IL12RB2: variants seen among roughly 807,000 people sequenced by gnomAD.
IL12RB2 encodes interleukin-12 receptor subunit beta-2.
IL12RB2 carries 82 observed loss-of-function variants against 89.4 expected under a neutral mutation model. The observed-to-expected ratio is 0.92, with a 90% CI of 0.77 to 1.10. The LOEUF (loss-of-function observed/expected upper bound fraction) is 1.10. IL12RB2 is among the 50% of genes least tolerant of loss of function. IL12RB2 has a pLI of 0.00. For synonymous variants in IL12RB2, 368 were observed against 370.1 expected (o/e 0.99, Z 0.07); for missense variants, 963 against 1,031.9 (o/e 0.93, Z 0.92).
At position 67,372,780 on chromosome 1, in the gene IL12RB2, T is replaced by C. The variant is rs1361549731; in HGVS notation, c.1714T>C (p.Cys572Arg). Residue 572 changes from cysteine (C) to arginine (R), a missense_variant, in exon 13 of 17, where the codon TGT (cysteine) becomes CGT (arginine). Physicochemically the swap from Cys to Arg is radical, Grantham distance 180. Transcript: ENST00000674203. The stretch of plus-strand genomic sequence containing the variant: ...GGACTCCAACTCCCAGCCTCAGCTC[T>C]GTGGTATGTGTGAGAACCAAATGCA... Reference protein sequence around the residue: ...ERDSNSQPQLCEIPYRVSQNS... With the variant: ...ERDSNSQPQLREIPYRVSQNS... 2.5e-6 allele frequency: 4 copies of C among 1,601,584 alleles called. No individual in the cohort carries two copies. The highest frequency in any genetic ancestry group is 3.4e-6 in the Non-Finnish European group (4 of 1,168,768).
chr1:67,346,577 G>A (rs572541395), intron 9 of IL12RB2, among the ~76,000 whole-genome samples: 1 of 152,054 alleles, frequency 6.6e-6, no homozygotes, highest in South Asian at 2.1e-4. Flanking sequence ...AGTAGAAAGT[G>A]GTTTCACCAT....
In IL12RB2 at chr1:67,350,820, T is replaced by C. The variant is rs753540622; in HGVS notation, c.1039-50T>C. ...ACCCATGAGGTCCAGGCACAGAGCA[T>C]CAGTGATCTTGTCTGGGAGTAAATA... On this transcript the variant is annotated intron_variant, in intron 9 of 16. Transcript: ENST00000674203. The C allele has an allele frequency of 1.4e-5, 22 of 1,606,974 alleles. 2 individuals are homozygous for C. The South Asian group carries it at 2.5e-4, about 18-fold the overall frequency.
chr1:67,393,542 G>A (rs947995942), intron 16 of IL12RB2, among the ~76,000 whole-genome samples: 11 of 152,196 alleles, frequency 7.2e-5, no homozygotes, highest in Non-Finnish European at 1.3e-4. Flanking sequence ...GCTGTGTTCC[G>A]AGCCAGACCC....
At chr1:67,344,472 TA>T (rs1327646591) in intron 9 of IL12RB2, among the ~76,000 whole-genome samples, 1 of 152,008 alleles carries the variant, frequency 6.6e-6, no homozygotes, top group Non-Finnish European at 1.5e-5. Context: ...TTTGTATTTT[TA>T]GTAGAGACAA....
At chr1:67,311,337 A>G (rs964618780) in intron 1 of IL12RB2, among the ~76,000 whole-genome samples, 1 of 152,164 alleles carries the variant, frequency 6.6e-6, no homozygotes, top group African/African-American at 2.4e-5. Context: ...AACCGATAGA[A>G]GAGGGAAAGC....
intron 8 of IL12RB2, among the ~76,000 whole-genome samples, chr1:67,336,736 G>A (rs531803101): frequency 6.6e-6 from 1 of 152,376 alleles, no homozygotes; most frequent in Non-Finnish European, 1.5e-5. Context: ...CTTTCTCAGA[G>A]CCAGGCACCT....
At chr1:67,350,308 G>A (rs17838052) in intron 9 of IL12RB2, among the ~76,000 whole-genome samples, 8 of 152,364 alleles carry the variant, frequency 5.3e-5, no homozygotes, top group Admixed American at 2.0e-4. Context: ...TTAGTTACAC[G>A]TTTATGAACA....
intron 3 of IL12RB2, among the ~76,000 whole-genome samples, chr1:67,321,360 C>T (rs1021151724): frequency 7.9e-5 from 12 of 152,022 alleles, no homozygotes; most frequent in African/African-American, 2.9e-4. Flanking sequence ...GGTTATAGTT[C>T]TGATTATAGT....
intron 14 of IL12RB2, among the ~76,000 whole-genome samples, chr1:67,381,467 T>G (rs1329098327): frequency 6.6e-6 from 1 of 152,142 alleles, no homozygotes; most frequent in Non-Finnish European, 1.5e-5. Flanking sequence ...AGCACTCCCA[T>G]GAAAGTTAAC....
chr1:67,310,278 G>A (rs1353384894), intron 1 of IL12RB2, among the ~76,000 whole-genome samples: 1 of 149,922 alleles, frequency 6.7e-6, no homozygotes, highest in Admixed American at 6.6e-5. Flanking sequence ...CTTCGCTAGT[G>A]TAACAGTGGT....
intron 8 of IL12RB2, among the ~76,000 whole-genome samples, chr1:67,338,311 G>A (rs12410480): frequency 1.5e-5 from 2 of 129,266 alleles, no homozygotes; most frequent in South Asian, 2.5e-4. Flanking sequence ...CATTCCAGCC[G>A]AGGCAACAGA....
chr1:67,363,735 T>C (rs1042196297), intron 10 of IL12RB2, among the ~76,000 whole-genome samples: 4 of 152,228 alleles, frequency 2.6e-5, no homozygotes, highest in Admixed American at 2.6e-4. Context: ...AAGCAGTATA[T>C]TGTTATTTGA....
In IL12RB2 at chr1:67,367,957, G is replaced by A; in HGVS notation, c.1391G>A (p.Gly464Glu). Reference protein sequence around the residue: ...YVVEWRELHPGGDTQVPLNWL... With the variant: ...YVVEWRELHPEGDTQVPLNWL... ...GTGGAATGGAGAGAGCTCCATCCAG[G>A]GGGTGACACACAGGTCCCTCTAAAC... The change falls in exon 11 of 17, where the codon GGG (glycine) becomes GAG (glutamate). Residue 464 changes from glycine (G) to glutamate (E), a missense_variant. Gly to Glu is a moderately conservative substitution (Grantham distance 98, BLOSUM62 -2). Transcript: ENST00000674203. The A allele has an allele frequency of 6.2e-7, 1 of 1,610,404 alleles. No homozygotes were observed. Among genetic ancestry groups the A allele is most frequent in the South Asian group, 1.1e-5 (1 of 90,990 alleles).
At chr1:67,316,400 A>T (rs1334902437) in intron 2 of IL12RB2, among the ~76,000 whole-genome samples, 1 of 145,956 alleles carries the variant, frequency 6.9e-6, no homozygotes, top group Non-Finnish European at 1.5e-5. Context: ...GTCTGCCTGC[A>T]TCCACCCTAG....
intron 10 of IL12RB2, among the ~76,000 whole-genome samples, chr1:67,359,863 G>A (rs1286892648): frequency 6.6e-6 from 1 of 152,072 alleles, no homozygotes; most frequent in Non-Finnish European, 1.5e-5. Flanking sequence ...TATGAGAAGT[G>A]AGGTTATATG....
chr1:67,326,622 T>C, intron 4 of IL12RB2, 113 bp from the exon 5 acceptor site: 1 of 1,494,060 alleles, frequency 6.7e-7, no homozygotes, highest in Non-Finnish European at 9.0e-7. Flanking sequence ...GCTTCTAGTT[T>C]ACCTGGGTTT....
chr1:67,348,748 A>G (rs1660505726), intron 9 of IL12RB2, among the ~76,000 whole-genome samples: 1 of 151,562 alleles, frequency 6.6e-6, no homozygotes, highest in Non-Finnish European at 1.5e-5. Context: ...CTGTTTTCCT[A>G]TTAGCTCATT....
intron 3 of IL12RB2, among the ~76,000 whole-genome samples, chr1:67,320,849 C>G (rs901051777): frequency 6.6e-6 from 1 of 152,006 alleles, no homozygotes; most frequent in Admixed American, 6.6e-5. Context: ...ATCAACCCGT[C>G]AACTACATTA....
At position 67,350,936 on chromosome 1, in the gene IL12RB2, G is replaced by A. The variant is rs1334325380; in HGVS notation, c.1105G>A (p.Gly369Arg). ...TCAGGTGACCTTGCAGGAGCTGACA[G>A]GAGGGAAAGCCATGACACAGAACAT... ...HYQVTLQELT[G>R]GKAMTQNITG... The change falls in exon 10 of 17, where the codon GGA (glycine) becomes AGA (arginine). Residue 369 changes from glycine to arginine, a missense_variant. Coordinates refer to ENST00000674203, the MANE Select transcript of IL12RB2 (RefSeq NM_001374259.2). 6 of 1,614,150 alleles carry A rather than the reference G, an allele frequency of 3.7e-6. No individual in the cohort carries two copies. In the South Asian group the frequency reaches 4.4e-5, roughly 12 times the overall value.
Sources: allele counts gnomAD v4.1 joint callset (sites outside exome capture counted in the v4.1 genomes callset), GRCh38; gene constraint gnomAD v4.1.1; transcripts MANE v1.5; gene names NCBI Gene and HGNC (gene_info 2026-07-23, HGNC 2026-07-21).